The following STAT3 variants were observed in gnomAD, a reference collection of about 807,000 sequenced individuals.
The protein encoded by STAT3 is signal transducer and activator of transcription 3.
Under a neutral mutation model 114.3 loss-of-function variants are expected in STAT3, and 7 were observed. The ratio of observed to expected loss-of-function variants is 0.06; its 90% confidence interval spans 0.03 to 0.11. The LOEUF is 0.11. Among genes scored for constraint, STAT3 ranks in the 10% least tolerant of loss-of-function variants. The pLI is 1.00. For synonymous variants in STAT3, 331 were observed against 354.5 expected, an observed-to-expected ratio of 0.93 and a Z score of 0.74; for missense variants, 364 against 960.9, an observed-to-expected ratio of 0.38 and a Z score of 8.21.
At chr17:42,347,421 T>C (rs1275851341) in intron 2 of STAT3, among the ~76,000 whole-genome samples, 4 of 152,106 alleles carry the variant, frequency 2.6e-5, no homozygotes. Context: ...CAAATCAGAG[T>C]ATGCATTCTG....
chr17:42,313,692 T>C lies in STAT3; in HGVS notation c.*2053A>G, dbSNP rs1276514808. 1 of 232,900 alleles carries C rather than the reference T, an allele frequency of 4.3e-6. No individual in the cohort carries two copies. The highest frequency in any genetic ancestry group is 6.0e-5 in the East Asian group (1 of 16,598). 14.4% of individuals were successfully genotyped at this position (232,900 alleles called of 1,614,324 possible). A position where few individuals can be genotyped will look rare whatever the true frequency, so the allele number is the denominator to read the frequency against. ...ACCTAAGGCCATGAACTTGACAATA[T>C]CTGCTCCAGAGAAGCCCTGAACCCT... On this transcript the variant is annotated 3_prime_UTR_variant, in exon 24 of 24. Coordinates refer to ENST00000264657, the MANE Select transcript of STAT3 (RefSeq NM_139276.3).
chr17:42,320,244 G>A (rs765164099), intron 21 of STAT3, among the ~76,000 whole-genome samples: 31 of 152,182 alleles, frequency 2.0e-4, no homozygotes, highest in Non-Finnish European at 3.4e-4. Context: ...AAGGAGAAAG[G>A]CAACGGTCAA....
At chr17:42,346,820 C>T (rs546427069) in intron 2 of STAT3, 107 bp from the exon 3 acceptor site, 10 of 1,468,114 alleles carry the variant, frequency 6.8e-6, no homozygotes, top group Admixed American at 1.7e-5. Flanking sequence ...CAAAGCAAAC[C>T]TGATGCTATA....
At chr17:42,323,384 T>C (rs2081563634) in intron 18 of STAT3, 30 bp from the exon 19 acceptor site, 2 of 1,610,546 alleles carry the variant, frequency 1.2e-6, no homozygotes, top group African/African-American at 1.3e-5. Flanking sequence ...GAAAGCCAAG[T>C]CTACTGCCAT....
At chr17:42,317,872 TAGA>T (rs1443453132) in intron 21 of STAT3, among the ~76,000 whole-genome samples, 2 of 152,196 alleles carry the variant, frequency 1.3e-5, no homozygotes, top group African/African-American at 4.8e-5. Context: ...TTGCTTCAAC[TAGA>T]AGACCGGAGA....
intron 15 of STAT3, 155 bp from the exon 16 acceptor site, chr17:42,325,216 C>A: frequency 3.0e-6 from 2 of 674,546 alleles, no homozygotes; most frequent in Non-Finnish European, 2.6e-6. Flanking sequence ...TGAGTCAGCT[C>A]AGTGAGCACT....
At chr17:42,343,787 T>G (rs2082564198) in intron 4 of STAT3, among the ~76,000 whole-genome samples, 1 of 152,156 alleles carries the variant, frequency 6.6e-6, no homozygotes, top group Admixed American at 6.6e-5. Context: ...TCTAACAGGT[T>G]ACTGCTGCTA....
chr17:42,371,712 T>C (rs908912214), intron 1 of STAT3, among the ~76,000 whole-genome samples: 1 of 145,476 alleles, frequency 6.9e-6, no homozygotes, highest in Admixed American at 7.0e-5. Flanking sequence ...CCAGGTGCGG[T>C]GGCTCATGCC....
chr17:42,344,124 A>G (rs566671006), intron 4 of STAT3, among the ~76,000 whole-genome samples: 12 of 152,296 alleles, frequency 7.9e-5, no homozygotes, highest in Admixed American at 7.2e-4. Context: ...TCTTGTGTTT[A>G]GAAAGATCCT....
chr17:42,345,063 C>T (rs1405419778), intron 4 of STAT3, among the ~76,000 whole-genome samples: 2 of 151,434 alleles, frequency 1.3e-5, no homozygotes, highest in South Asian at 2.1e-4. Flanking sequence ...GTCAGGAGTT[C>T]GAGACCAGCC....
intron 23 of STAT3, 63 bp downstream of exon 23, chr17:42,316,726 G>C (rs2144616621): frequency 6.2e-7 from 1 of 1,608,314 alleles, no homozygotes; most frequent in East Asian, 2.2e-5. Context: ...GTACATGTGA[G>C]AGCATCACAC....
chr17:42,323,238 G>A, intron 19 of STAT3, 22 bp downstream of exon 19: 1 of 1,614,112 alleles, frequency 6.2e-7, no homozygotes, highest in South Asian at 1.1e-5. Flanking sequence ...GGTTACATCT[G>A]TGCACACTCT....
In STAT3 at chr17:42,323,637, A is replaced by C. The variant is rs769196370; in HGVS notation, c.1601-12T>G. The C allele has an allele frequency of 3.7e-6, 6 of 1,600,392 alleles. No individual in the cohort carries two copies. On this transcript the variant is annotated splice_polypyrimidine_tract_variant and intron_variant, in intron 17 of 23. Coordinates refer to ENST00000264657, the MANE Select transcript of STAT3 (RefSeq NM_139276.3). ...ATTCACACCAGGTCCTGAAGGAAAG[A>C]AAAAGAGTCAAGTAGTACATTTTCA...
Position 42,346,710 on chromosome 17 carries a change from T to C in STAT3, c.132A>G (p.Ala44=), listed in dbSNP as rs944444211. The C allele has an allele frequency of 1.9e-6, 3 of 1,614,054 alleles. No individual in the cohort carries two copies. The highest frequency in any genetic ancestry group is 2.7e-5 in the African/African-American group (2 of 74,996). The change falls in exon 3 of 24, where the codon GCA becomes GCG. Residue 44 remains alanine (A), a synonymous_variant. Transcript: ENST00000264657. ...LAPWIESQDW[A]YAASKESHAT... is the part of the protein sequence containing the mutation. ...CATGTGATTCTTTGCTGGCCGCATATGCCCTAGGAAAAGGAAGAATGATAA... is the reference window on the plus strand; with the variant it reads ...CATGTGATTCTTTGCTGGCCGCATACGCCCTAGGAAAAGGAAGAATGATAA...
chr17:42,324,664 C>A lies in STAT3; in HGVS notation c.1600+47G>T, dbSNP rs1431658968. 7.2e-7 allele frequency: 1 copy of A among 1,387,202 alleles called. No individual in the cohort carries two copies. Among genetic ancestry groups the A allele is most frequent in the East Asian group, 2.9e-5 (1 of 34,218 alleles). The allele number at this position is 1,387,202 out of a possible 1,614,324, so 85.9% of individuals were successfully genotyped here. On this transcript the variant is annotated intron_variant, in intron 17 of 23. Transcript: ENST00000264657. This position sits in a 1 kb window ranked among gnomAD's most constrained non-coding sequence, Gnocchi z 4.5. ...AATGAACAGCCCTATGGGCCGGATC[C>A]CTTTTCTGGGCGGGTGGGCGGGAGG...
At chr17:42,364,415 A>T (rs2083671972) in intron 1 of STAT3, among the ~76,000 whole-genome samples, 1 of 152,214 alleles carries the variant, frequency 6.6e-6, no homozygotes, top group Admixed American at 6.6e-5. Flanking sequence ...CTCGAGGGCC[A>T]CTGAAGGGAG....
intron 1 of STAT3, among the ~76,000 whole-genome samples, chr17:42,363,300 T>C (rs1281686663): frequency 1.3e-5 from 2 of 152,148 alleles, no homozygotes; most frequent in African/African-American, 4.8e-5. Flanking sequence ...CAGTGATTCT[T>C]CAATAAGAGT....
At chr17:42,331,161 C>T (rs2081996050) in intron 11 of STAT3, among the ~76,000 whole-genome samples, 1 of 152,070 alleles carries the variant, frequency 6.6e-6, no homozygotes, top group Non-Finnish European at 1.5e-5. Context: ...AGAACGTATC[C>T]CAGTCGTTAA....
At chr17:42,369,186 C>T (rs35840966) in intron 1 of STAT3, among the ~76,000 whole-genome samples, 55,204 of 151,838 alleles carry the variant, frequency 0.36, 10,301 homozygotes, top group South Asian at 0.46. Flanking sequence ...GGTGAAACCC[C>T]ATCTCTACTA....
Sources: gnomAD v4.1 joint callset for allele counts (sites outside exome capture counted in the v4.1 genomes callset) on GRCh38, gnomAD v4.1.1 for gene constraint, Gnocchi (gnomAD v3.1) non-coding constraint, MANE v1.5 for transcripts, NCBI Gene and HGNC (gene_info 2026-07-23, HGNC 2026-07-21) for gene names.